The following PKD2L1 variants were observed in gnomAD, a reference collection of about 807,000 sequenced individuals.
The protein encoded by PKD2L1 is polycystin 2 like 1, transient receptor potential cation channel, also known as polycystin-2-like protein 1.
A neutral mutation model predicts 93.0 loss-of-function variants in PKD2L1; 77 were observed. The observed-to-expected ratio is 0.83, with a 90% confidence interval of 0.69 to 1.00. PKD2L1 has a LOEUF of 1.00. PKD2L1 is among the 50% of genes least tolerant of loss of function. The pLI is 0.00. For synonymous variants in PKD2L1, 390 were observed against 388.0 expected (o/e 1.01, Z -0.06); for missense variants, 977 against 990.9 (o/e 0.99, Z 0.19).
intron 2 of PKD2L1, among the ~76,000 whole-genome samples, chr10:100,323,567 C>T (rs894911210): frequency 1.3e-5 from 2 of 152,130 alleles, no homozygotes; most frequent in African/African-American, 2.4e-5. Context: ...CGGCGCCCGG[C>T]TCACTCTGTA....
intron 2 of PKD2L1, among the ~76,000 whole-genome samples, chr10:100,322,572 C>T (rs563744595): frequency 5.4e-4 from 82 of 152,010 alleles, no homozygotes; most frequent in African/African-American, 2.0e-3. Context: ...GCATAAACAC[C>T]GGTAATAAGA....
chr10:100,318,643 C>T (rs1212274270), intron 2 of PKD2L1, among the ~76,000 whole-genome samples: 3 of 151,376 alleles, frequency 2.0e-5, no homozygotes, highest in Admixed American at 1.3e-4. Flanking sequence ...CTCAGCCTCC[C>T]GAGTAGCTGG....
At chr10:100,302,317 C>T (rs3892212) in intron 2 of PKD2L1, among the ~76,000 whole-genome samples, 88,624 of 151,508 alleles carry the variant, frequency 0.58, 26,355 homozygotes, top group African/African-American at 0.69. Flanking sequence ...GGCAGCTTTT[C>T]TTCCCTATGG....
chr10:100,292,549 C>A (rs1340128544), intron 11 of PKD2L1, among the ~76,000 whole-genome samples: 1 of 151,830 alleles, frequency 6.6e-6, no homozygotes, highest in East Asian at 1.9e-4. Flanking sequence ...GCAGCTGGTG[C>A]TCACAATGTA....
chr10:100,294,848 A>G, intron 8 of PKD2L1, 94 bp downstream of exon 8: 1 of 1,315,722 alleles, frequency 7.6e-7, no homozygotes, highest in South Asian at 1.3e-5. Context: ...ACAGACATGC[A>G]GACACGCACG....
rs761287554 is a variant in PKD2L1, at chr10:100,329,924, C to T, written c.180G>A (p.Thr60=). ...AGCTGGACACCTGGGTCCTGTATGC[C>T]GTCTCCTGGGGTTCATCTTCAGGCT... ...PKKPEDEPQE[T]AYRTQVSSCC... is the part of the protein sequence containing the mutation. Residue 60 remains threonine (T), a synonymous_variant, in exon 1 of 16, where the codon ACG becomes ACA. Coordinates refer to ENST00000318222, the MANE Select transcript of PKD2L1 (RefSeq NM_016112.3). 50 of 1,613,816 alleles carry T rather than the reference C, an allele frequency of 3.1e-5. No homozygotes were observed. Among genetic ancestry groups the T allele is most frequent in the South Asian group, 4.4e-5 (4 of 91,088 alleles).
rs1471270602 is a variant in PKD2L1, at chr10:100,314,958, AGAAAGAAGGAAGGAAGGAAG to A, written c.349+14233_349+14252del. ...GCTAAGGCAGAAAAGAAAGAAAGAA[AGAAAGAAGGAAGGAAGGAAG>A]GAAGGAAGGAAGGAAGGAAGGAAGG... On this transcript the variant is annotated intron_variant, in intron 2 of 15. Transcript: ENST00000318222. Among the ~76,000 whole-genome samples, 34 of 43,740 alleles carry A rather than the reference AGAAAGAAGGAAGGAAGGAAG, an allele frequency of 7.8e-4. 4 individuals carry two copies. Among genetic ancestry groups the A allele is most frequent in the Non-Finnish European group, 1.2e-3 (27 of 21,806 alleles). The allele number at this position is 43,740 out of a possible 152,430, so 28.7% of individuals were successfully genotyped here. A position where few individuals can be genotyped will look rare whatever the true frequency, so the allele number is the denominator to read the frequency against.
At chr10:100,300,031 G>A (rs893984466) in intron 2 of PKD2L1, among the ~76,000 whole-genome samples, 3 of 152,148 alleles carry the variant, frequency 2.0e-5, no homozygotes, top group African/African-American at 7.2e-5. Flanking sequence ...TAACTTCCCA[G>A]TTCTTACTCC....
chr10:100,291,521 G>C, intron 11 of PKD2L1, 94 bp from the exon 12 acceptor site: 10 of 1,366,776 alleles, frequency 7.3e-6, no homozygotes, highest in Non-Finnish European at 1.0e-5. Context: ...TCTGGCAAAA[G>C]TTTTGCTTCT....
At chr10:100,322,886 C>T (rs1391094085) in intron 2 of PKD2L1, among the ~76,000 whole-genome samples, 10 of 152,224 alleles carry the variant, frequency 6.6e-5, no homozygotes, top group African/African-American at 2.4e-4. Context: ...TCTTTCTTCA[C>T]TTGCTTGCAT....
intron 11 of PKD2L1, among the ~76,000 whole-genome samples, chr10:100,292,675 G>A (rs1848430666): frequency 6.6e-6 from 1 of 152,128 alleles, no homozygotes; most frequent in South Asian, 2.1e-4. Context: ...TGGGAGTGGG[G>A]TGTGTATTCA....
At chr10:100,306,042 G>A (rs768454318) in intron 2 of PKD2L1, among the ~76,000 whole-genome samples, 145 of 152,010 alleles carry the variant, frequency 9.5e-4, no homozygotes, top group Non-Finnish European at 1.7e-3. Context: ...TAAATTAGCC[G>A]GGCATGGTGG....
In PKD2L1 at chr10:100,291,288, C is replaced by A. The variant is rs1848400402; in HGVS notation, c.2007+13G>T. The A allele has an allele frequency of 4.3e-6, 7 of 1,611,936 alleles. 1 individual carries two copies. The highest frequency in any genetic ancestry group is 1.1e-5 in the South Asian group (1 of 90,796). On this transcript the variant is annotated intron_variant, in intron 12 of 15. Coordinates refer to ENST00000318222, the MANE Select transcript of PKD2L1 (RefSeq NM_016112.3). ...TTCCTTACACTGCCTCTCCACCCAT[C>A]AGCCCAGCTCACCCTCTCTTCCTCC...
Position 100,329,976 on chromosome 10 carries a change from G to T in PKD2L1, c.128C>A (p.Thr43Lys), listed in dbSNP as rs201774904. The T allele has an allele frequency of 5.6e-6, 9 of 1,613,814 alleles. No individual in the cohort carries two copies. Among genetic ancestry groups the T allele is most frequent in the Admixed American group, 1.7e-5 (1 of 59,994 alleles). The part of the protein sequence containing the change: ...GTLRVCTISS[T>K]GPLQPQPKKP... ...CTTGGGTTGGGGCTGGAGAGGCCCC[G>T]TGCTGGAGATGGTGCAGACTCTCAG... The change falls in exon 1 of 16, where the codon ACG (threonine) becomes AAG (lysine). Residue 43 changes from threonine to lysine, a missense_variant. By Grantham distance (78) the Thr-to-Lys change is moderately conservative. Transcript: ENST00000318222.
At chr10:100,306,678 T>C (rs1463411268) in intron 2 of PKD2L1, among the ~76,000 whole-genome samples, 1 of 151,252 alleles carries the variant, frequency 6.6e-6, no homozygotes, top group Non-Finnish European at 1.5e-5. Context: ...CCGGGCAACA[T>C]GGCGAAACTC....
At chr10:100,292,902 A>G (rs753002185) in intron 11 of PKD2L1, 46 bp downstream of exon 11, 1 of 1,590,532 alleles carries the variant, frequency 6.3e-7, no homozygotes, top group South Asian at 1.1e-5. Flanking sequence ...AGGGTTGAGG[A>G]CTTAAGAGAC....
intron 2 of PKD2L1, among the ~76,000 whole-genome samples, chr10:100,305,425 T>G (rs1848776987): frequency 1.3e-5 from 2 of 152,158 alleles, no homozygotes; most frequent in South Asian, 4.1e-4. Flanking sequence ...AGTGAATCAA[T>G]TTCAAACTGA....
Position 100,293,335 on chromosome 10 carries a change from C to T in PKD2L1, c.1704G>A (p.Lys568=), listed in dbSNP as rs774414216. The part of the protein sequence containing the change: ...AIINDTYSEV[K]EELAGQKDEL... ...CATCCTTCTGTCCAGCCAGCTCCTC[C>T]TTGACCTCTGAATATGTGTCATTGA... Residue 568 remains lysine, a synonymous_variant, in exon 10 of 16, where the codon AAG becomes AAA. Transcript: ENST00000318222. 1.2e-6 allele frequency: 2 copies of T among 1,613,874 alleles called. No individual in the cohort carries two copies. The highest frequency in any genetic ancestry group is 2.2e-5 in the South Asian group (2 of 91,084).
At chr10:100,298,500 T>C (rs1195757305) in intron 4 of PKD2L1, 62 bp downstream of exon 4, 1 of 1,561,396 alleles carries the variant, frequency 6.4e-7, no homozygotes, top group Non-Finnish European at 8.7e-7. Flanking sequence ...TTCCCAGACC[T>C]TGGGATGGTG....
Sources: allele counts gnomAD v4.1 joint callset (sites outside exome capture counted in the v4.1 genomes callset), GRCh38; gene constraint gnomAD v4.1.1; transcripts MANE v1.5; gene names NCBI Gene and HGNC (gene_info 2026-07-23, HGNC 2026-07-21).